Variants in IGF2BP3 observed in about 807,000 individuals in gnomAD.
IGF2BP3 encodes the protein insulin like growth factor 2 mRNA binding protein 3.
Under a neutral mutation model 73.8 loss-of-function variants are expected in IGF2BP3, and 9 were observed. That is an observed-to-expected ratio of 0.12 (90% CI 0.07 to 0.21). The LOEUF is 0.21. Among genes scored for constraint, IGF2BP3 ranks in the 10% least tolerant of loss-of-function variants. The pLI is 1.00. For missense variants in IGF2BP3, 542 were observed against 714.0 expected (o/e 0.76, Z 2.75); for synonymous variants, 258 against 256.7 (o/e 1.01, Z -0.05).
At position 23,470,142 on chromosome 7, in the gene IGF2BP3, G is replaced by A. The variant is rs750744950; in HGVS notation, c.-32C>T. ...GAGTGGTTGTTTAAAAAAAAATAACGAGAAAAAACGAAAAATTAAAACCAC... is the reference window on the plus strand; with the variant it reads ...GAGTGGTTGTTTAAAAAAAAATAACAAGAAAAAACGAAAAATTAAAACCAC... On this transcript the variant is annotated 5_prime_UTR_variant, in exon 1 of 15. Coordinates refer to ENST00000258729, the MANE Select transcript of IGF2BP3 (RefSeq NM_006547.3). 3 of 1,553,854 alleles carry A rather than the reference G, an allele frequency of 1.9e-6. No homozygotes were observed. The highest frequency in any genetic ancestry group is 2.6e-6 in the Non-Finnish European group (3 of 1,149,086).
chr7:23,467,215 A>G lies in IGF2BP3; in HGVS notation c.236+1267T>C, dbSNP rs115267817. On this transcript the variant is annotated intron_variant, in intron 2 of 14. Coordinates refer to ENST00000258729, the MANE Select transcript of IGF2BP3 (RefSeq NM_006547.3). Reference sequence around the variant, plus strand: ...AAAAATCCAAACCAACTCATCCTTAAAAACAAGATTTGTGAAAATGCTTTG... The same window carrying G: ...AAAAATCCAAACCAACTCATCCTTAGAAACAAGATTTGTGAAAATGCTTTG... Among the ~76,000 whole-genome samples the G allele has an allele frequency of 1.4e-3, 220 of 152,346 alleles. 1 individual carries two copies. The highest frequency in any genetic ancestry group is 4.8e-3 in the African/African-American group (201 of 41,578).
chr7:23,350,850 G>A (rs1311520137), intron 6 of IGF2BP3, among the ~76,000 whole-genome samples: 3 of 152,178 alleles, frequency 2.0e-5, no homozygotes, highest in African/African-American at 7.2e-5. Flanking sequence ...CTTAATCAGA[G>A]GAAAAATTCG....
chr7:23,460,007 C>T (rs1006865577), intron 2 of IGF2BP3, among the ~76,000 whole-genome samples: 1 of 149,884 alleles, frequency 6.7e-6, no homozygotes, highest in Admixed American at 6.7e-5. Flanking sequence ...AGTGGGAGGA[C>T]CGCTTGAGCC....
At chr7:23,316,466 G>A (rs778388330) in intron 12 of IGF2BP3, among the ~76,000 whole-genome samples, 4 of 152,090 alleles carry the variant, frequency 2.6e-5, no homozygotes, top group Non-Finnish European at 5.9e-5. Context: ...CGGATCACTT[G>A]AGGTCAGGAG....
intron 2 of IGF2BP3, among the ~76,000 whole-genome samples, 167 bp downstream of exon 2, chr7:23,468,315 A>G (rs1788617259): frequency 6.6e-6 from 1 of 152,136 alleles, no homozygotes. Context: ...GCCCAGCATC[A>G]TCAACACACA....
At chr7:23,444,600 G>A (rs1333577971) in intron 2 of IGF2BP3, among the ~76,000 whole-genome samples, 2 of 151,944 alleles carry the variant, frequency 1.3e-5, no homozygotes, top group Non-Finnish European at 2.9e-5. Flanking sequence ...AAAATTAGCT[G>A]AGCATGGTGG....
chr7:23,368,015 A>C (rs1785430390), intron 3 of IGF2BP3, among the ~76,000 whole-genome samples: 3 of 152,244 alleles, frequency 2.0e-5, no homozygotes. Context: ...AAACAAAAAA[A>C]AACAAAAAAA....
intron 5 of IGF2BP3, among the ~76,000 whole-genome samples, chr7:23,357,900 G>A (rs1362281060): frequency 1.3e-5 from 2 of 152,200 alleles, no homozygotes; most frequent in Admixed American, 6.5e-5. Flanking sequence ...AACTAACAGA[G>A]GCAGCTACAA....
At chr7:23,380,630 C>G (rs1280320325) in intron 3 of IGF2BP3, among the ~76,000 whole-genome samples, 6 of 152,360 alleles carry the variant, frequency 3.9e-5, no homozygotes, top group Admixed American at 2.6e-4. Flanking sequence ...CTGATCACCC[C>G]AGTCTTGGTT....
At chr7:23,325,860 A>G (rs921828680) in intron 10 of IGF2BP3, among the ~76,000 whole-genome samples, 5 of 152,236 alleles carry the variant, frequency 3.3e-5, no homozygotes, top group Non-Finnish European at 7.3e-5. Context: ...GGTGCTGGGA[A>G]AACTGGCTAG....
chr7:23,360,172 CA>C (rs1422828552), intron 5 of IGF2BP3, among the ~76,000 whole-genome samples: 6 of 151,938 alleles, frequency 3.9e-5, no homozygotes, highest in African/African-American at 1.5e-4. Flanking sequence ...AGCTCTACAA[CA>C]CAATTTAAAG....
At chr7:23,434,596 C>G (rs1356876176) in intron 2 of IGF2BP3, among the ~76,000 whole-genome samples, 1 of 152,218 alleles carries the variant, frequency 6.6e-6, no homozygotes, top group Non-Finnish European at 1.5e-5. Context: ...CAAGTTTGAT[C>G]TAAATATTTC....
Position 23,399,384 on chromosome 7 carries a change from TATA to T in IGF2BP3, c.285+19389_285+19391del, listed in dbSNP as rs975790601. Among the ~76,000 whole-genome samples, 925 of 148,064 alleles carry T rather than the reference TATA, an allele frequency of 6.2e-3. 6 individuals are homozygous for T. The highest frequency in any genetic ancestry group is 0.022 in the African/African-American group (888 of 40,190). On this transcript the variant is annotated intron_variant, in intron 3 of 14. Coordinates refer to ENST00000258729, the MANE Select transcript of IGF2BP3 (RefSeq NM_006547.3). ...TGCACATGTACCCTAAAACTTAAAG[TATA>T]ATAATAATAAAATTAAATTAAATTA...
At chr7:23,370,448 T>C (rs1314557433) in intron 3 of IGF2BP3, among the ~76,000 whole-genome samples, 1 of 152,208 alleles carries the variant, frequency 6.6e-6, no homozygotes, top group Non-Finnish European at 1.5e-5. Context: ...TCGGGCATTA[T>C]AGTCTGTGTA....
At chr7:23,429,981 CT>C (rs1728690859) in intron 2 of IGF2BP3, among the ~76,000 whole-genome samples, 2 of 152,230 alleles carry the variant, frequency 1.3e-5, no homozygotes, top group African/African-American at 4.8e-5. Flanking sequence ...GTGGGAATCA[CT>C]GCTTCCCTGC....
chr7:23,379,805 T>C lies in IGF2BP3; in HGVS notation c.286-18064A>G, dbSNP rs1178389775. On this transcript the variant is annotated intron_variant, in intron 3 of 14. Transcript: ENST00000258729. ...TCTGCAACTCGCCACTCCCAGTCCA[T>C]ACTTGGTTTGGAACCTATATGCTCT... is the stretch of plus-strand genomic sequence containing the variant. Among the ~76,000 whole-genome samples, 3 of 152,188 alleles carry C rather than the reference T, an allele frequency of 2.0e-5. No homozygotes were observed. The East Asian group carries it at 5.8e-4, about 29-fold the overall frequency.
At chr7:23,407,901 G>GT (rs1786887778) in intron 3 of IGF2BP3, among the ~76,000 whole-genome samples, 1 of 123,044 alleles carries the variant, frequency 8.1e-6, no homozygotes, top group Admixed American at 1.1e-4. Context: ...CAATAAAGTG[G>GT]AGTTTATCAT....
At chr7:23,347,195 G>C (rs1784849902) in intron 7 of IGF2BP3, among the ~76,000 whole-genome samples, 1 of 152,100 alleles carries the variant, frequency 6.6e-6, no homozygotes, top group Non-Finnish European at 1.5e-5. Context: ...AAGAGACTTA[G>C]GCACTTCCCC....
At chr7:23,409,644 C>A (rs74720590) in intron 3 of IGF2BP3, among the ~76,000 whole-genome samples, 18 of 152,082 alleles carry the variant, frequency 1.2e-4, no homozygotes, top group African/African-American at 3.4e-4. Context: ...GGAAAAGGAA[C>A]AATATTTTCA....
Sources: allele counts gnomAD v4.1 joint callset (sites outside exome capture counted in the v4.1 genomes callset), GRCh38; gene constraint gnomAD v4.1.1; transcripts MANE v1.5; gene names NCBI Gene and HGNC (gene_info 2026-07-23, HGNC 2026-07-21).